Variants in BNC2 observed in about 807,000 individuals in gnomAD.
The protein encoded by BNC2 is zinc finger protein basonuclin-2.
Under a neutral mutation model 76.3 loss-of-function variants are expected in BNC2, and 20 were observed. The ratio of observed to expected loss-of-function variants is 0.26; its 90% CI spans 0.18 to 0.38. The LOEUF is 0.38. BNC2 is among the 10% of genes least tolerant of loss of function. The pLI is 1.00. For synonymous variants in BNC2, 582 were observed against 514.8 expected, an observed-to-expected ratio of 1.13 and a Z score of -1.77; for missense variants, 1,382 against 1,399.8, an observed-to-expected ratio of 0.99 and a Z score of 0.20.
At chr9:16,514,612 G>C (rs1822835890) in intron 5 of BNC2, among the ~76,000 whole-genome samples, 1 of 152,098 alleles carries the variant, frequency 6.6e-6, no homozygotes, top group Non-Finnish European at 1.5e-5. Flanking sequence ...TTATCTTTCA[G>C]ATGTTTACAG....
intron 3 of BNC2, among the ~76,000 whole-genome samples, chr9:16,583,935 G>C (rs1178883183): frequency 6.6e-6 from 1 of 152,104 alleles, no homozygotes; most frequent in Non-Finnish European, 1.5e-5. Context: ...TGAATCCATA[G>C]AAAATTAGCA....
At chr9:16,518,600 G>A (rs1010173805) in intron 5 of BNC2, among the ~76,000 whole-genome samples, 11 of 139,824 alleles carry the variant, frequency 7.9e-5, no homozygotes, top group Non-Finnish European at 1.6e-4. Context: ...TGTTGTTGTT[G>A]TTTGTTTGTT....
At chr9:16,766,057 G>A (rs973657378) in intron 1 of BNC2, among the ~76,000 whole-genome samples, 12 of 152,136 alleles carry the variant, frequency 7.9e-5, no homozygotes, top group African/African-American at 2.2e-4. Flanking sequence ...AAAGTGCTGG[G>A]ATTACAGGCG....
chr9:16,510,719 A>G (rs575135179), intron 5 of BNC2, among the ~76,000 whole-genome samples: 2 of 152,334 alleles, frequency 1.3e-5, no homozygotes, highest in African/African-American at 4.8e-5. Flanking sequence ...TTCCAGGGGA[A>G]TAAATTGACC....
chr9:16,743,551 T>C (rs535552935), intron 1 of BNC2, among the ~76,000 whole-genome samples: 3 of 152,344 alleles, frequency 2.0e-5, no homozygotes, highest in South Asian at 2.1e-4. Flanking sequence ...GCCACATTAA[T>C]ACCGGAGAGC....
At chr9:16,667,076 C>CACAT (rs201667282) in intron 3 of BNC2, among the ~76,000 whole-genome samples, 2 of 145,366 alleles carry the variant, frequency 1.4e-5, no homozygotes, top group Admixed American at 1.4e-4. Flanking sequence ...CACTCAGATA[C>CACAT]ACATACACAC....
intron 5 of BNC2, among the ~76,000 whole-genome samples, chr9:16,547,741 C>A (rs980183790): frequency 6.6e-6 from 1 of 152,124 alleles, no homozygotes; most frequent in African/African-American, 2.4e-5. Context: ...ATGCAAATAG[C>A]TCATGTGGGA....
intron 3 of BNC2, among the ~76,000 whole-genome samples, chr9:16,586,675 G>A (rs1286557687): frequency 6.6e-6 from 1 of 152,042 alleles, no homozygotes; most frequent in African/African-American, 2.4e-5. Context: ...TCTTTAATTT[G>A]GCAACTTCAC....
chr9:16,605,833 G>C (rs990314596), intron 3 of BNC2, among the ~76,000 whole-genome samples: 3 of 135,752 alleles, frequency 2.2e-5, no homozygotes, highest in Admixed American at 1.6e-4. Context: ...CTGTCACCCA[G>C]GCTGGAGCAT....
chr9:16,780,955 GTACT>G (rs1442683026), intron 1 of BNC2, among the ~76,000 whole-genome samples: 1 of 151,816 alleles, frequency 6.6e-6, no homozygotes, highest in Non-Finnish European at 1.5e-5. Context: ...ACCAAAAAGA[GTACT>G]TAATCATGCA....
In BNC2 at chr9:16,459,119, G is replaced by A. The variant is rs146010124; in HGVS notation, c.670-21595C>T. Among the ~76,000 whole-genome samples the A allele has an allele frequency of 1.4e-3, 219 of 152,266 alleles. 3 individuals are homozygous for A. Among genetic ancestry groups the A allele is most frequent in the African/African-American group, 5.0e-3 (209 of 41,548 alleles). ...GAAACAATTATAGAGTTAAATAGAA[G>A]CCAAAACACATCCATATACATGCAT... On this transcript the variant is annotated intron_variant, in intron 5 of 6. Coordinates refer to ENST00000380672, the MANE Select transcript of BNC2 (RefSeq NM_017637.6).
At chr9:16,681,155 C>G (rs914394876) in intron 3 of BNC2, among the ~76,000 whole-genome samples, 4 of 152,136 alleles carry the variant, frequency 2.6e-5, no homozygotes, top group Non-Finnish European at 1.5e-5. Context: ...AGCAAGCAGA[C>G]AATAGGAAAC....
At chr9:16,770,114 G>A (rs1045179386) in intron 1 of BNC2, among the ~76,000 whole-genome samples, 16 of 152,158 alleles carry the variant, frequency 1.1e-4, no homozygotes, top group African/African-American at 3.6e-4. Flanking sequence ...CAGTTCAACA[G>A]CAGAGGAAAC....
chr9:16,688,007 TTA>T (rs1823026508), intron 3 of BNC2, among the ~76,000 whole-genome samples: 1 of 152,132 alleles, frequency 6.6e-6, no homozygotes, highest in Non-Finnish European at 1.5e-5. Flanking sequence ...ATTTTCAAAC[TTA>T]GAGTGCTAGG....
At position 16,725,996 on chromosome 9, in the gene BNC2, ACACACG is replaced by A. The variant is rs745425931; in HGVS notation, c.330+1795_330+1800del. Among the ~76,000 whole-genome samples, 430 of 140,400 alleles carry A rather than the reference ACACACG, an allele frequency of 3.1e-3. 3 individuals carry two copies. Among genetic ancestry groups the A allele is most frequent in the Non-Finnish European group, 4.3e-3 (282 of 64,890 alleles). 92.1% of individuals were successfully genotyped at this position (140,400 alleles called of 152,430 possible). On this transcript the variant is annotated intron_variant, in intron 3 of 6. Coordinates refer to ENST00000380672, the MANE Select transcript of BNC2 (RefSeq NM_017637.6). Reference sequence around the variant, plus strand: ...CAATCTTCCCTTCTAACACACACACACACACGCACACACACACACACGACCTCCACT... The same window carrying A: ...CAATCTTCCCTTCTAACACACACACACACACACACACACACGACCTCCACT...
intron 1 of BNC2, among the ~76,000 whole-genome samples, chr9:16,859,938 G>C (rs1165424499): frequency 6.6e-6 from 1 of 152,100 alleles, no homozygotes; most frequent in African/African-American, 2.4e-5. Context: ...TGGCCAACAT[G>C]GTGAAACCCC....
chr9:16,592,483 G>T (rs1372595871), intron 3 of BNC2, among the ~76,000 whole-genome samples: 1 of 152,136 alleles, frequency 6.6e-6, no homozygotes, highest in African/African-American at 2.4e-5. Flanking sequence ...TTCAGAAGAG[G>T]GAAATATGTA....
At chr9:16,565,850 C>T (rs1328959904) in intron 4 of BNC2, among the ~76,000 whole-genome samples, 1 of 150,554 alleles carries the variant, frequency 6.6e-6, no homozygotes, top group Non-Finnish European at 1.5e-5. Context: ...CACATTAACA[C>T]ACAAAATTAC....
In BNC2 at chr9:16,418,213, A is replaced by G. The variant is rs553904371; in HGVS notation, c.*776T>C. 1 of 152,778 alleles carries G rather than the reference A, an allele frequency of 6.5e-6. No individual in the cohort carries two copies. The highest frequency in any genetic ancestry group is 2.4e-5 in the African/African-American group (1 of 41,590). The allele number at this position is 152,778 out of a possible 1,614,324, so 9.5% of individuals were successfully genotyped here. A position where few individuals can be genotyped will look rare whatever the true frequency, so the allele number is the denominator to read the frequency against. ...TGTACTAGTACAGGACATTTTAAAA[A>G]ATCAGATCTGTGCTGTAAAGCATGC... On this transcript the variant is annotated 3_prime_UTR_variant, in exon 7 of 7. Coordinates refer to ENST00000380672, the MANE Select transcript of BNC2 (RefSeq NM_017637.6).
Sources: allele counts gnomAD v4.1 joint callset (sites outside exome capture counted in the v4.1 genomes callset), GRCh38; gene constraint gnomAD v4.1.1; transcripts MANE v1.5; gene names NCBI Gene and HGNC (gene_info 2026-07-23, HGNC 2026-07-21).